TAFA2: variants seen among roughly 807,000 people sequenced by gnomAD.
TAFA2 encodes the protein chemokine-like protein TAFA-2.
TAFA2 carries 7 observed loss-of-function variants against 18.8 expected under a neutral mutation model. The ratio of observed to expected loss-of-function variants is 0.37; its 90% confidence interval spans 0.21 to 0.70. The LOEUF (loss-of-function observed/expected upper bound fraction) is 0.70. Ranked by LOEUF, TAFA2 falls within the 30% of genes least tolerant of loss-of-function variation. The pLI, the probability that TAFA2 is intolerant of heterozygous loss-of-function variation, is 0.53. For missense variants in TAFA2, 122 were observed against 158.1 expected (o/e 0.77, Z 1.23); for synonymous variants, 60 against 54.2 (o/e 1.11, Z -0.47).
At chr12:62,128,058 A>T (rs959103950) in intron 1 of TAFA2, among the ~76,000 whole-genome samples, 2 of 152,036 alleles carry the variant, frequency 1.3e-5, no homozygotes, top group African/African-American at 4.8e-5. Flanking sequence ...AAGCAAGCAT[A>T]TGGTGGAAAA....
At chr12:61,953,423 G>C (rs1231488865) in intron 1 of TAFA2, among the ~76,000 whole-genome samples, 1 of 152,052 alleles carries the variant, frequency 6.6e-6, no homozygotes, top group Non-Finnish European at 1.5e-5. Context: ...AAAAAATGGG[G>C]TAATTGCAGT....
chr12:61,826,842 T>C (rs909773295), intron 2 of TAFA2, among the ~76,000 whole-genome samples: 1 of 152,008 alleles, frequency 6.6e-6, no homozygotes, highest in South Asian at 2.1e-4. Flanking sequence ...ATGATATATA[T>C]GTAAGAAAAT....
chr12:62,228,676 T>C (rs2062798658), intron 1 of TAFA2, among the ~76,000 whole-genome samples: 1 of 152,222 alleles, frequency 6.6e-6, no homozygotes, highest in South Asian at 2.1e-4. Flanking sequence ...TCCTACTTTA[T>C]TTTTTAAGTT....
intron 1 of TAFA2, among the ~76,000 whole-genome samples, chr12:62,062,149 G>A (rs1402507876): frequency 6.6e-6 from 1 of 152,054 alleles, no homozygotes; most frequent in Non-Finnish European, 1.5e-5. Flanking sequence ...ACTCCAGCCT[G>A]GATGACAGAG....
At chr12:62,141,485 C>G (rs2062238884) in intron 1 of TAFA2, among the ~76,000 whole-genome samples, 1 of 152,158 alleles carries the variant, frequency 6.6e-6, no homozygotes, top group African/African-American at 2.4e-5. Flanking sequence ...TCTCTGTTCC[C>G]TTCTTTGAGG....
chr12:62,013,947 G>C (rs1031742010), intron 1 of TAFA2, among the ~76,000 whole-genome samples: 35 of 152,244 alleles, frequency 2.3e-4, no homozygotes, highest in African/African-American at 7.9e-4. Context: ...ATGCAGAAGA[G>C]AAATTAACTA....
chr12:61,794,311 C>T (rs1015392774), intron 2 of TAFA2, among the ~76,000 whole-genome samples: 5 of 151,808 alleles, frequency 3.3e-5, no homozygotes, highest in African/African-American at 7.3e-5. Context: ...AAGCAATCTA[C>T]AAAAAGATAT....
At chr12:61,865,574 G>A (rs1040154075) in intron 2 of TAFA2, among the ~76,000 whole-genome samples, 5 of 152,118 alleles carry the variant, frequency 3.3e-5, no homozygotes, top group African/African-American at 7.2e-5. Context: ...TTTCTGACAC[G>A]ATGTGTAATT....
At chr12:62,244,884 C>A (rs2062877875) in intron 1 of TAFA2, among the ~76,000 whole-genome samples, 1 of 151,990 alleles carries the variant, frequency 6.6e-6, no homozygotes, top group Admixed American at 6.6e-5. Flanking sequence ...CTATCTTTTG[C>A]CTATTTCTCT....
intron 1 of TAFA2, among the ~76,000 whole-genome samples, chr12:61,870,346 C>T (rs899534360): frequency 1.3e-5 from 2 of 152,114 alleles, no homozygotes; most frequent in African/African-American, 4.8e-5. Context: ...ACCAAATTGC[C>T]CTCCTATGTC....
At position 62,038,157 on chromosome 12, in the gene TAFA2, A is replaced by G. The variant is rs74392043; in HGVS notation, c.-2+153102T>C. On this transcript the variant is annotated intron_variant, in intron 1 of 4. Coordinates refer to ENST00000416284, the MANE Select transcript of TAFA2 (RefSeq NM_178539.5). ...GACAAAGTAGCAGATGTATAGGATT[A>G]ACAAGTCTTGAGATTTGATGTACAA... is the stretch of plus-strand genomic sequence containing the variant. Among the ~76,000 whole-genome samples the G allele has an allele frequency of 5.8e-3, 880 of 152,272 alleles. 13 individuals are homozygous for G. The highest frequency in any genetic ancestry group is 0.02 in the African/African-American group (829 of 41,552).
intron 1 of TAFA2, among the ~76,000 whole-genome samples, chr12:62,133,492 G>A (rs184471244): frequency 1.3e-5 from 2 of 149,878 alleles, no homozygotes; most frequent in Admixed American, 1.4e-4. Flanking sequence ...AGAACTAAAA[G>A]AAGGGTAGAA....
chr12:62,163,348 G>GC (rs2062418213), intron 1 of TAFA2, among the ~76,000 whole-genome samples: 5 of 151,930 alleles, frequency 3.3e-5, no homozygotes, highest in Middle Eastern at 6.8e-3. Context: ...CTTAGGAGCT[G>GC]GGTTTTTGTT....
intron 1 of TAFA2, among the ~76,000 whole-genome samples, chr12:62,058,406 A>G (rs1426303889): frequency 2.0e-5 from 3 of 152,032 alleles, no homozygotes; most frequent in Admixed American, 2.0e-4. Context: ...CTTTTCACGT[A>G]TTGTTTTATT....
At chr12:62,176,616 C>T (rs2062515906) in intron 1 of TAFA2, among the ~76,000 whole-genome samples, 1 of 151,948 alleles carries the variant, frequency 6.6e-6, no homozygotes, top group Non-Finnish European at 1.5e-5. Flanking sequence ...TCCTTAGATG[C>T]TAGTTCCTTA....
At chr12:62,042,445 G>C (rs1881788847) in intron 1 of TAFA2, among the ~76,000 whole-genome samples, 1 of 151,708 alleles carries the variant, frequency 6.6e-6, no homozygotes, top group African/African-American at 2.4e-5. Flanking sequence ...GTGTGTGTGT[G>C]TGTGTGACAT....
chr12:62,191,214 G>A (rs766651393), intron 1 of TAFA2, 45 bp downstream of exon 1: 3 of 152,102 alleles, frequency 2.0e-5, no homozygotes, highest in Non-Finnish European at 4.4e-5. Flanking sequence ...TTGCCGCTCC[G>A]GTCCCCAGCG....
chr12:62,133,582 C>G (rs768485221), intron 1 of TAFA2, among the ~76,000 whole-genome samples: 1 of 152,004 alleles, frequency 6.6e-6, no homozygotes, highest in Non-Finnish European at 1.5e-5. Flanking sequence ...CCGTTAAATA[C>G]GTAAGCCATA....
intron 2 of TAFA2, among the ~76,000 whole-genome samples, chr12:61,797,318 C>A (rs1871227821): frequency 6.6e-6 from 1 of 152,068 alleles, no homozygotes; most frequent in Non-Finnish European, 1.5e-5. Flanking sequence ...CCAGTAACAG[C>A]ATCTGTGAAG....
Sources: gnomAD v4.1 joint callset for allele counts (sites outside exome capture counted in the v4.1 genomes callset) on GRCh38, gnomAD v4.1.1 for gene constraint, MANE v1.5 for transcripts, NCBI Gene and HGNC (gene_info 2026-07-23, HGNC 2026-07-21) for gene names.